The following SYT17 variants were observed in gnomAD, a reference collection of about 807,000 sequenced individuals.
The protein encoded by SYT17 is synaptotagmin 17.
In SYT17, 22 loss-of-function variants were observed where a neutral mutation model predicts 46.7. The observed-to-expected ratio is 0.47, with a 90% CI of 0.34 to 0.67. The LOEUF is 0.67. Among genes scored for constraint, SYT17 ranks in the 30% least tolerant of loss-of-function variants. The pLI is 0.01. For missense variants in SYT17, 519 were observed against 612.8 expected, an observed-to-expected ratio of 0.85 and a Z score of 1.62; for synonymous variants, 251 against 248.4, an observed-to-expected ratio of 1.01 and a Z score of -0.10.
chr16:19,185,118 C>T (rs2142601192), intron 5 of SYT17, among the ~76,000 whole-genome samples: 1 of 152,158 alleles, frequency 6.6e-6, no homozygotes, highest in Middle Eastern at 3.4e-3. Context: ...CCCTCCCTCC[C>T]TTCCTTCCCT....
intron 7 of SYT17, among the ~76,000 whole-genome samples, 171 bp from the exon 8 acceptor site, chr16:19,266,709 T>G (rs1306342974): frequency 6.6e-6 from 1 of 151,752 alleles, no homozygotes; most frequent in East Asian, 1.9e-4. Flanking sequence ...GATGAGGGAG[T>G]TGGACTTCTC....
chr16:19,169,880 C>T (rs1451269640), intron 1 of SYT17: 1 of 152,190 alleles, frequency 6.6e-6, no homozygotes, highest in Non-Finnish European at 1.5e-5. Context: ...TCCTGCCCCT[C>T]TGGGTGCGCA....
intron 7 of SYT17, among the ~76,000 whole-genome samples, chr16:19,255,326 C>T (rs150029717): frequency 1.3e-5 from 2 of 152,266 alleles, no homozygotes; most frequent in South Asian, 2.1e-4. Flanking sequence ...ATATTTGGGG[C>T]TGGATTATTC....
At chr16:19,214,102 TA>T (rs1255564734) in intron 5 of SYT17, among the ~76,000 whole-genome samples, 1 of 152,146 alleles carries the variant, frequency 6.6e-6, no homozygotes, top group African/African-American at 2.4e-5. Flanking sequence ...TTATGACAAC[TA>T]AAACATCTCC....
In SYT17 at chr16:19,181,570, G is replaced by A. The variant is rs891695653; in HGVS notation, c.331+1031G>A. On this transcript the variant is annotated intron_variant, in intron 4 of 7. Coordinates refer to ENST00000355377, the MANE Select transcript of SYT17 (RefSeq NM_016524.4). ...TTCCCATTTGTAAAATGAGAGGGCT[G>A]GTCTAGAGCTGCGCTGTCTGGTATA... is the stretch of plus-strand genomic sequence containing the variant. Among the ~76,000 whole-genome samples the A allele has an allele frequency of 2.6e-5, 4 of 152,280 alleles. 1 individual carries two copies. Among genetic ancestry groups the A allele is most frequent in the South Asian group, 4.2e-4 (2 of 4,818 alleles).
chr16:19,249,528 T>G (rs1312215947), intron 7 of SYT17, among the ~76,000 whole-genome samples: 1 of 152,200 alleles, frequency 6.6e-6, no homozygotes, highest in Non-Finnish European at 1.5e-5. Flanking sequence ...GATTTTATTC[T>G]GTGTAAATAA....
rs1217282366 is a variant in SYT17 at position 19,260,521 on chromosome 16, AAAAAAAAG to A, written c.1229-6358_1229-6351del. On this transcript the variant is annotated intron_variant, in intron 7 of 7. Transcript: ENST00000355377. ...CTTGTCTCAAAAAAAAAAAAAAAAA[AAAAAAAAG>A]GAAAGAAAAAAAAAAGAATTCGTTC... Among the ~76,000 whole-genome samples, 7 of 146,108 alleles carry A rather than the reference AAAAAAAAG, an allele frequency of 4.8e-5. No homozygotes were observed. The East Asian group carries it at 1.4e-3, about 29-fold the overall frequency.
chr16:19,216,380 CTTT>C (rs5816039), intron 5 of SYT17, among the ~76,000 whole-genome samples: 40 of 141,604 alleles, frequency 2.8e-4, no homozygotes, highest in African/African-American at 9.1e-4. Flanking sequence ...ACAATTATTT[CTTT>C]TTTTTTTTTT....
At chr16:19,202,969 C>T (rs1052223792) in intron 5 of SYT17, among the ~76,000 whole-genome samples, 22 of 152,230 alleles carry the variant, frequency 1.4e-4, no homozygotes, top group African/African-American at 4.8e-4. Context: ...CCCTCCACCT[C>T]GACCTCTGTA....
At chr16:19,224,940 A>G (rs1414793896) in intron 7 of SYT17, 102 bp downstream of exon 7, 1 of 1,353,360 alleles carries the variant, frequency 7.4e-7, no homozygotes, top group African/African-American at 1.5e-5. Flanking sequence ...TAAGAACGTA[A>G]TGTCTGGCAT....
At chr16:19,219,553 A>G (rs1458252151) in intron 5 of SYT17, among the ~76,000 whole-genome samples, 1 of 152,122 alleles carries the variant, frequency 6.6e-6, no homozygotes, top group East Asian at 1.9e-4. Context: ...CTCCCTTTCA[A>G]TCAACTGCAT....
In SYT17 at chr16:19,197,565, CA is replaced by C. The variant is rs201800134; in HGVS notation, c.951+13419del. The stretch of plus-strand genomic sequence containing the variant: ...CTTGGCTCAAGCAATCCTCCTGCCT[CA>C]GCCTCCTGAGTAGCTGGGACCACAG... On this transcript the variant is annotated intron_variant, in intron 5 of 7. Transcript: ENST00000355377. 9.9e-5 allele frequency among the ~76,000 whole-genome samples: 15 copies of C among 152,202 alleles called. No individual in the cohort carries two copies. In the East Asian group the frequency reaches 2.5e-3, roughly 25 times the overall value.
chr16:19,257,167 T>C (rs1968631462), intron 7 of SYT17, among the ~76,000 whole-genome samples: 1 of 152,196 alleles, frequency 6.6e-6, no homozygotes, highest in African/African-American at 2.4e-5. Context: ...ATCGTCATTA[T>C]GACTGTTGGA....
intron 7 of SYT17, among the ~76,000 whole-genome samples, chr16:19,231,234 C>A (rs1966670050): frequency 6.6e-6 from 1 of 152,134 alleles, no homozygotes. Flanking sequence ...CCCTCAGTTT[C>A]CCCTAAGTGG....
In SYT17 at chr16:19,182,195, G is replaced by A. The variant is rs565657818; in HGVS notation, c.332-1333G>A. 7.9e-5 allele frequency among the ~76,000 whole-genome samples: 12 copies of A among 152,220 alleles called. No individual in the cohort carries two copies. The East Asian group carries it at 1.7e-3, about 22-fold the overall frequency. Reference sequence around the variant, plus strand: ...TTTGGGAGGCCGAGGCAGGCAGATAGCTTGAGGCCAGGAGTTCAAGACCAT... The same window carrying A: ...TTTGGGAGGCCGAGGCAGGCAGATAACTTGAGGCCAGGAGTTCAAGACCAT... On this transcript the variant is annotated intron_variant, in intron 4 of 7. Transcript: ENST00000355377.
intron 3 of SYT17, 112 bp from the exon 4 acceptor site, chr16:19,180,279 G>A: frequency 8.6e-7 from 1 of 1,162,378 alleles, no homozygotes; most frequent in Non-Finnish European, 1.2e-6. Context: ...ATTCCATGTT[G>A]CATAAAATGA....
intron 7 of SYT17, among the ~76,000 whole-genome samples, chr16:19,231,523 C>CAA (rs143448107): frequency 0.02 from 901 of 45,844 alleles, 105 homozygotes; most frequent in Middle Eastern, 0.038. Context: ...AACTCCATCA[C>CAA]AAAAAAAAAA....
intron 5 of SYT17, among the ~76,000 whole-genome samples, chr16:19,204,127 A>C (rs1166868064): frequency 6.6e-6 from 1 of 152,132 alleles, no homozygotes; most frequent in Non-Finnish European, 1.5e-5. Flanking sequence ...GGCACTCGTC[A>C]CACCTTGGGC....
intron 7 of SYT17, among the ~76,000 whole-genome samples, chr16:19,245,878 C>A (rs961068495): frequency 2.0e-5 from 3 of 151,794 alleles, no homozygotes; most frequent in Non-Finnish European, 2.9e-5. Flanking sequence ...GTACTGATGG[C>A]TTTTTAGTAT....
Sources: allele counts gnomAD v4.1 joint callset (sites outside exome capture counted in the v4.1 genomes callset), GRCh38; gene constraint gnomAD v4.1.1; transcripts MANE v1.5; gene names NCBI Gene and HGNC (gene_info 2026-07-23, HGNC 2026-07-21).